The following SET variants were observed in gnomAD, a reference collection of about 807,000 sequenced individuals.
The protein encoded by SET is protein SET.
In SET, 4 loss-of-function variants were observed where a neutral mutation model predicts 39.0. The observed-to-expected ratio is 0.10, with a 90% CI of 0.05 to 0.23. The LOEUF (loss-of-function observed/expected upper bound fraction) is 0.23. Among genes scored for constraint, SET ranks in the 10% least tolerant of loss-of-function variants. The probability of loss-of-function intolerance (pLI) is 1.00; values close to 1 mark genes in which losing one functional copy is unlikely to be tolerated. For missense variants in SET, 137 were observed against 329.7 expected (o/e 0.42, Z 4.53); for synonymous variants, 114 against 115.9 (o/e 0.98, Z 0.11).
At position 128,691,307 on chromosome 9, in the gene SET, A is replaced by T. The variant is rs139336636; in HGVS notation, c.131+80A>T. 1.6e-5 allele frequency: 14 copies of T among 875,126 alleles called. No homozygotes were observed. In the South Asian group the frequency reaches 1.9e-4, roughly 12 times the overall value. The allele number at this position is 875,126 out of a possible 1,614,324, so 54.2% of individuals were successfully genotyped here. On this transcript the variant is annotated intron_variant, in intron 2 of 7. Transcript: ENST00000322030. ...CCGGTAATTATCGAAGCTATGGTCA[A>T]ATCTATCCACTGTCAAAGGGGAAAT...
upstream of SET, among the ~76,000 whole-genome samples, chr9:128,686,028 A>G (rs1861273825): frequency 6.7e-6 from 1 of 149,926 alleles, no homozygotes; most frequent in African/African-American, 2.5e-5. Flanking sequence ...AACAACAACA[A>G]CAAAAAAAAA....
At chr9:128,685,353 G>A (rs1861248778), upstream of SET, 2 of 687,816 alleles carry the variant, frequency 2.9e-6, no homozygotes, top group African/African-American at 1.8e-5. Flanking sequence ...GCTCTAGAGT[G>A]CATTTGTGCG....
In SET at chr9:128,696,071, G is replaced by A. The variant is rs565917062; in HGVS notation, c.*1407G>A. The A allele has an allele frequency of 1.3e-4, 29 of 223,684 alleles. No individual in the cohort carries two copies. Among genetic ancestry groups the A allele is most frequent in the African/African-American group, 5.5e-4 (25 of 45,100 alleles). 13.9% of individuals were successfully genotyped at this position (223,684 alleles called of 1,614,324 possible). A position where few individuals can be genotyped will look rare whatever the true frequency, so the allele number is the denominator to read the frequency against. On this transcript the variant is annotated 3_prime_UTR_variant, in exon 8 of 8. Coordinates refer to ENST00000322030, the MANE Select transcript of SET (RefSeq NM_003011.4). Reference sequence around the variant, plus strand: ...CAAATGTGACCATGTGAATCTGGGTGGGATAATGGACTCAGCTCTGTCTGC... The same window carrying A: ...CAAATGTGACCATGTGAATCTGGGTAGGATAATGGACTCAGCTCTGTCTGC...
upstream of SET, among the ~76,000 whole-genome samples, chr9:128,684,701 G>A (rs949422184): frequency 2.0e-5 from 3 of 151,776 alleles, no homozygotes; most frequent in South Asian, 4.2e-4. Flanking sequence ...CTCTGATCTC[G>A]GGGCCTAGAC....
rs1861669808 is a variant in SET, at chr9:128,694,744, T to C, written c.*80T>C. ...GGAGCAAGTTGCAGTCTTTTTTTTT[T>C]TTTTTTTTTTTTTTCCCTCTTGTGC... is the stretch of plus-strand genomic sequence containing the variant. On this transcript the variant is annotated 3_prime_UTR_variant, in exon 8 of 8. Coordinates refer to ENST00000322030, the MANE Select transcript of SET (RefSeq NM_003011.4). 1.3e-6 allele frequency: 1 copy of C among 765,426 alleles called. No individual in the cohort carries two copies. Among genetic ancestry groups the C allele is most frequent in the Non-Finnish European group, 2.1e-6 (1 of 479,132 alleles). The allele number at this position is 765,426 out of a possible 1,614,324, so 47.4% of individuals were successfully genotyped here.
upstream of SET, among the ~76,000 whole-genome samples, chr9:128,688,848 G>A (rs1289648950): frequency 1.3e-5 from 2 of 152,160 alleles, no homozygotes; most frequent in Non-Finnish European, 1.5e-5. Context: ...CCCCATACGA[G>A]GCCGGGCCTG....
intron 5 of SET, 102 bp downstream of exon 5, chr9:128,693,083 C>G: frequency 5.3e-6 from 4 of 759,806 alleles, no homozygotes; most frequent in Non-Finnish European, 6.6e-6. Context: ...TGGCTAAATA[C>G]AAAACCTTAA....
At chr9:128,689,151 G>A, upstream of SET, 1 of 512,016 alleles carries the variant, frequency 2.0e-6, no homozygotes, top group African/African-American at 2.1e-5. Context: ...CAATGGCGCC[G>A]CGGCGCGAGC....
At chr9:128,685,897 C>T (rs747344336), upstream of SET, among the ~76,000 whole-genome samples, 21 of 152,164 alleles carry the variant, frequency 1.4e-4, no homozygotes, top group Non-Finnish European at 2.5e-4. Context: ...CGTGACGATG[C>T]ATGCCTGTAA....
intron 3 of SET, 90 bp downstream of exon 3, chr9:128,692,090 T>C: frequency 5.4e-6 from 8 of 1,485,044 alleles, no homozygotes; most frequent in Non-Finnish European, 7.4e-6. Flanking sequence ...CATGCTGGGT[T>C]GCGTGCAACA....
rs1861562525 is a variant in SET, at chr9:128,692,209, A to G, written c.274+209A>G. On this transcript the variant is annotated intron_variant, in intron 3 of 7. Coordinates refer to ENST00000322030, the MANE Select transcript of SET (RefSeq NM_003011.4). ...CGAAACCAGCTTGGCCAACAGGTTG[A>G]AACCCCGTCTCTACTAAAAATACAA... 3.1e-5 allele frequency: 15 copies of G among 486,852 alleles called. No homozygotes were observed. In the Admixed American group the frequency reaches 5.8e-4, roughly 19 times the overall value. 30.2% of individuals were successfully genotyped at this position (486,852 alleles called of 1,614,324 possible).
rs1380337822 is a variant in SET at position 128,689,265 on chromosome 9, G to A, written c.-318G>A. ...GTGGAGGAGGAGGCGGCTCGGGAGA[G>A]CGAGCAGCGAGCTGGCTGGATCGCC... On this transcript the variant is annotated 5_prime_UTR_variant, in exon 1 of 8. Coordinates refer to ENST00000322030, the MANE Select transcript of SET (RefSeq NM_003011.4). 9.9e-7 allele frequency: 1 copy of A among 1,007,962 alleles called. No homozygotes were observed. Among genetic ancestry groups the A allele is most frequent in the Non-Finnish European group, 1.2e-6 (1 of 844,024 alleles). The allele number at this position is 1,007,962 out of a possible 1,614,324, so 62.4% of individuals were successfully genotyped here. A position where few individuals can be genotyped will look rare whatever the true frequency, so the allele number is the denominator to read the frequency against.
chr9:128,692,575 G>A, intron 3 of SET, 87 bp from the exon 4 acceptor site: 2 of 893,982 alleles, frequency 2.2e-6, no homozygotes, highest in Non-Finnish European at 3.7e-6. Flanking sequence ...TGCTCACTAA[G>A]TTCGGAAAAA....
intron 5 of SET, 22 bp downstream of exon 5, chr9:128,693,003 GA>G: frequency 1.4e-6 from 2 of 1,464,380 alleles, no homozygotes; most frequent in Non-Finnish European, 1.9e-6. Flanking sequence ...GGAATTATTT[GA>G]CAAAAATAGC....
intron 7 of SET, 55 bp from the exon 8 acceptor site, chr9:128,694,586 T>G: frequency 7.4e-7 from 1 of 1,344,646 alleles, no homozygotes. Context: ...GTGGTCCATA[T>G]GAAAGCAAGT....
chr9:128,683,866 G>T, exon 1 of SET: 1 of 1,529,686 alleles, frequency 6.5e-7, no homozygotes, highest in Non-Finnish European at 8.8e-7. Context: ...GAGGAGACTC[G>T]TGGTCTGGTT....
At chr9:128,692,076 C>T in intron 3 of SET, 76 bp downstream of exon 3, 2 of 1,547,026 alleles carry the variant, frequency 1.3e-6, no homozygotes, top group Non-Finnish European at 8.8e-7. Flanking sequence ...AAGACTTAGT[C>T]CAGCATGCTG....
chr9:128,690,731 G>A, intron 1 of SET: 1 of 185,326 alleles, frequency 5.4e-6, no homozygotes, highest in Non-Finnish European at 1.1e-5. Flanking sequence ...ATGAAAGGTG[G>A]TTTTACCTTG....
upstream of SET, chr9:128,684,957 C>G (rs1861235961): frequency 2.3e-6 from 3 of 1,277,854 alleles, no homozygotes; most frequent in Admixed American, 8.9e-5. Flanking sequence ...GTTGACTGTT[C>G]TGGTGACTAG....
Sources: allele counts gnomAD v4.1 joint callset (sites outside exome capture counted in the v4.1 genomes callset), GRCh38; gene constraint gnomAD v4.1.1; transcripts MANE v1.5; gene names NCBI Gene and HGNC (gene_info 2026-07-23, HGNC 2026-07-21).